The following MOV10L1 variants were observed in gnomAD, a reference collection of about 807,000 sequenced individuals.
MOV10L1 encodes the protein Mov10 like RNA helicase 1, also known as RNA helicase Mov10l1.
Under a neutral mutation model 143.8 loss-of-function variants are expected in MOV10L1, and 110 were observed. That is an observed-to-expected ratio of 0.76 (90% CI 0.66 to 0.90). MOV10L1 has a LOEUF of 0.90. Ranked by LOEUF, MOV10L1 falls within the 40% of genes least tolerant of loss-of-function variation. The pLI, the probability that MOV10L1 is intolerant of heterozygous loss-of-function variation, is 0.00. For synonymous variants in MOV10L1, 593 were observed against 581.1 expected, an observed-to-expected ratio of 1.02 and a Z score of -0.29; for missense variants, 1,406 against 1,526.8, an observed-to-expected ratio of 0.92 and a Z score of 1.32.
At position 50,092,165 on chromosome 22, in the gene MOV10L1, A is replaced by G. The variant is rs2062462955; in HGVS notation, c.262A>G (p.Asn88Asp). 1 of 1,613,926 alleles carries G rather than the reference A, an allele frequency of 6.2e-7. No homozygotes were observed. The highest frequency in any genetic ancestry group is 8.5e-7 in the Non-Finnish European group (1 of 1,179,974). Reference protein sequence around the residue: ...IAVVEENKVSNGLKAIRVEAV... With the variant: ...IAVVEENKVSDGLKAIRVEAV... Reference sequence around the variant, plus strand: ...AGTTGTGGAAGAAAATAAAGTGTCCAATGGACTGAAAGCAATCAGGGTAAG... The same window carrying G: ...AGTTGTGGAAGAAAATAAAGTGTCCGATGGACTGAAAGCAATCAGGGTAAG... Residue 88 changes from asparagine (N) to aspartate (D), a missense_variant, in exon 2 of 27, where the codon AAT becomes GAT. Asn to Asp is a conservative substitution (Grantham distance 23). This residue lies in a region of MOV10L1 where 166 missense variants were observed against 153.9 expected (regional missense o/e 1.08). Transcript: ENST00000262794.
Position 50,150,816 on chromosome 22 carries a change from T to C in MOV10L1, c.2809T>C (p.Phe937Leu). ...CATGGCCTATGGGCTGAACGTGTCC[T>C]TTTTGGAACGGCTGATGTCTCGACC... is the stretch of plus-strand genomic sequence containing the variant. ...LAMAYGLNVS[F>L]LERLMSRPAY... The change falls in exon 21 of 27, where the codon TTT becomes CTT. Residue 937 changes from phenylalanine (F) to leucine (L), a missense_variant. Physicochemically the swap from Phe to Leu is conservative, Grantham distance 22. Around this residue, in one of 3 missense-constraint regions of MOV10L1, gnomAD observed 1,233 missense variants for 1,351.4 expected, o/e 0.91. Coordinates refer to ENST00000262794, the MANE Select transcript of MOV10L1 (RefSeq NM_018995.3). The C allele has an allele frequency of 1.9e-6, 3 of 1,614,192 alleles. No individual in the cohort carries two copies. Among genetic ancestry groups the C allele is most frequent in the Non-Finnish European group, 2.5e-6 (3 of 1,180,028 alleles).
chr22:50,142,981 C>T (rs1414574682), intron 16 of MOV10L1, 62 bp from the exon 17 acceptor site: 37 of 1,514,236 alleles, frequency 2.4e-5, no homozygotes, highest in East Asian at 4.5e-5. Flanking sequence ...TAGGTGAGGA[C>T]GTGTCCACAG....
At chr22:50,150,164 C>G (rs1437342988) in intron 20 of MOV10L1, among the ~76,000 whole-genome samples, 1 of 152,220 alleles carries the variant, frequency 6.6e-6, no homozygotes, top group Non-Finnish European at 1.5e-5. Context: ...TTGAACTTCC[C>G]TGGTTCTCTC....
chr22:50,117,877 G>A lies in MOV10L1; in HGVS notation c.1454+526G>A, dbSNP rs560383259. Among the ~76,000 whole-genome samples, 18 of 152,288 alleles carry A rather than the reference G, an allele frequency of 1.2e-4. No homozygotes were observed. The East Asian group carries it at 3.3e-3, about 28-fold the overall frequency. ...CCACCCAGATTTTAACTGGAGGGTA[G>A]TCTCAGGAAAGCACTTCACATCCAC... On this transcript the variant is annotated intron_variant, in intron 9 of 26. Transcript: ENST00000262794.
rs758090545 is a variant in MOV10L1, at chr22:50,134,605, G to A, written c.2045G>A (p.Ser682Asn). 11 of 1,614,026 alleles carry A rather than the reference G, an allele frequency of 6.8e-6. No homozygotes were observed. The highest frequency in any genetic ancestry group is 9.3e-6 in the Non-Finnish European group (11 of 1,180,014). Residue 682 changes from serine (S) to asparagine (N), a missense_variant, in exon 15 of 27, where the codon AGC becomes AAC. Ser to Asn is a conservative substitution (Grantham distance 46, BLOSUM62 1). Coordinates refer to ENST00000262794, the MANE Select transcript of MOV10L1 (RefSeq NM_018995.3). Reference protein sequence around the residue: ...GNWNHAQDTKSSGQSTSKKNR... With the variant: ...GNWNHAQDTKNSGQSTSKKNR... ...TGGAACCATGCACAAGACACCAAAA[G>A]CAGTGGACAGTCCACCAGCAAAAAG...
At chr22:50,114,043 C>A (rs1482480093) in intron 6 of MOV10L1, among the ~76,000 whole-genome samples, 1 of 151,522 alleles carries the variant, frequency 6.6e-6, no homozygotes, top group African/African-American at 2.4e-5. Flanking sequence ...CTCAGCCTCC[C>A]GAGTAGCTGG....
intron 18 of MOV10L1, among the ~76,000 whole-genome samples, chr22:50,144,773 G>C (rs1180433065): frequency 2.6e-5 from 4 of 152,010 alleles, no homozygotes; most frequent in Non-Finnish European, 4.4e-5. Flanking sequence ...AGTAGAGACG[G>C]AGTTTCACCG....
chr22:50,129,651 A>G (rs1191203931), intron 13 of MOV10L1, among the ~76,000 whole-genome samples: 4 of 152,188 alleles, frequency 2.6e-5, no homozygotes, highest in Non-Finnish European at 5.9e-5. Context: ...AGTGACTTTC[A>G]GTATCCATGT....
chr22:50,106,403 T>G lies in MOV10L1; in HGVS notation c.443-1733T>G, dbSNP rs558874997. On this transcript the variant is annotated intron_variant, in intron 3 of 26. Transcript: ENST00000262794. Reference sequence around the variant, plus strand: ...CTGGTCTCAAACTCCTGGGCTCAAGTGATCTTCCCACCTCAGCCTCACAAA... The same window carrying G: ...CTGGTCTCAAACTCCTGGGCTCAAGGGATCTTCCCACCTCAGCCTCACAAA... Among the ~76,000 whole-genome samples, 4 of 146,466 alleles carry G rather than the reference T, an allele frequency of 2.7e-5. No individual in the cohort carries two copies. The Admixed American group carries it at 2.8e-4, about 10-fold the overall frequency.
intron 10 of MOV10L1, among the ~76,000 whole-genome samples, chr22:50,121,523 T>C (rs1360728053): frequency 6.6e-6 from 1 of 152,184 alleles, no homozygotes; most frequent in Non-Finnish European, 1.5e-5. Context: ...GTTCTTAGGA[T>C]GGAAGGTGCA....
intron 15 of MOV10L1, among the ~76,000 whole-genome samples, chr22:50,136,848 A>T (rs1602287167): frequency 1.3e-5 from 2 of 152,190 alleles, no homozygotes; most frequent in African/African-American, 4.8e-5. Context: ...GAGCAAGAAC[A>T]ATCCTTAAAA....
chr22:50,122,710 T>G (rs1417858742), intron 10 of MOV10L1, among the ~76,000 whole-genome samples: 1 of 150,846 alleles, frequency 6.6e-6, no homozygotes, highest in Admixed American at 6.7e-5. Context: ...CTTTCATCAT[T>G]TTGAGGTGAT....
At chr22:50,102,672 C>T (rs2061774533) in intron 3 of MOV10L1, among the ~76,000 whole-genome samples, 1 of 152,128 alleles carries the variant, frequency 6.6e-6, no homozygotes, top group South Asian at 2.1e-4. Context: ...GAGGCTGAGG[C>T]GGGCGGATCA....
chr22:50,101,441 T>G (rs1206390136), intron 3 of MOV10L1, among the ~76,000 whole-genome samples: 2 of 151,866 alleles, frequency 1.3e-5, no homozygotes, highest in Non-Finnish European at 2.9e-5. Context: ...GGTCTCGATC[T>G]CCTGACCTTG....
At chr22:50,099,176 G>A (rs2062672715) in intron 2 of MOV10L1, among the ~76,000 whole-genome samples, 1 of 152,208 alleles carries the variant, frequency 6.6e-6, no homozygotes. Context: ...AATCTTATTA[G>A]GAGGCTTTGG....
intron 17 of MOV10L1, among the ~76,000 whole-genome samples, 182 bp from the exon 18 acceptor site, chr22:50,143,915 C>CAT (rs1313555801): frequency 6.6e-5 from 10 of 152,200 alleles, no homozygotes; most frequent in Non-Finnish European, 1.3e-4. Flanking sequence ...CCACCTAACC[C>CAT]ATGCTTTGGC....
chr22:50,090,215 G>A (rs2062390177), intron 1 of MOV10L1, 30 bp downstream of exon 1: 1 of 1,414,310 alleles, frequency 7.1e-7, no homozygotes, highest in Non-Finnish European at 9.2e-7. Context: ...TGGGAGGCGG[G>A]TCCCGGGCCC....
intron 20 of MOV10L1, 65 bp downstream of exon 20, chr22:50,149,779 G>A: frequency 6.9e-7 from 1 of 1,446,334 alleles, no homozygotes; most frequent in Non-Finnish European, 9.5e-7. Flanking sequence ...GATGCAGGCT[G>A]CGATCCTGCC....
rs1324865779 is a variant in MOV10L1 at position 50,142,205 on chromosome 22, G to A, written c.2179+16G>A. ...AGCGATTGGGGTATGTGCTCATGAG[G>A]GGCAAGGAGAAGAGCAACTCTGAGA... On this transcript the variant is annotated intron_variant, in intron 16 of 26. Transcript: ENST00000262794. The A allele has an allele frequency of 1.3e-6, 2 of 1,594,708 alleles. No homozygotes were observed. Among genetic ancestry groups the A allele is most frequent in the African/African-American group, 2.7e-5 (2 of 73,930 alleles).
Sources: gnomAD v4.1 joint callset for allele counts (sites outside exome capture counted in the v4.1 genomes callset) on GRCh38, gnomAD v4.1.1 for gene constraint, gnomAD v4.1.1 regional missense constraint, MANE v1.5 for transcripts, NCBI Gene and HGNC (gene_info 2026-07-23, HGNC 2026-07-21) for gene names.